The following GCSAML variants were observed in gnomAD, a reference collection of about 807,000 sequenced individuals.
GCSAML encodes germinal center associated signaling and motility like, also known as germinal center-associated signaling and motility-like protein.
In GCSAML, 9 loss-of-function variants were observed where a neutral mutation model predicts 13.0. That is an observed-to-expected ratio of 0.69 (90% CI 0.42 to 1.21). GCSAML has a LOEUF of 1.21. GCSAML is among the 50% of genes most tolerant of loss of function. The pLI is 0.00. For synonymous variants in GCSAML, 37 were observed against 52.9 expected, an observed-to-expected ratio of 0.70 and a Z score of 1.31; for missense variants, 143 against 153.4, an observed-to-expected ratio of 0.93 and a Z score of 0.36.
chr1:247,524,641 TTGAA>T (rs1249875786), intron 1 of GCSAML: 5 of 152,318 alleles, frequency 3.3e-5, no homozygotes, highest in African/African-American at 1.2e-4. Context: ...ATTCATTTCT[TTGAA>T]TGAAATAATG....
chr1:247,507,598 G>T (rs12143521), intron 1 of GCSAML, among the ~76,000 whole-genome samples: 2 of 151,988 alleles, frequency 1.3e-5, no homozygotes, highest in Admixed American at 6.6e-5. Flanking sequence ...ATGTATACAC[G>T]TGCCATGGTG....
At chr1:247,539,782 C>T (rs1418380588) in intron 2 of GCSAML, among the ~76,000 whole-genome samples, 2 of 152,106 alleles carry the variant, frequency 1.3e-5, no homozygotes, top group African/African-American at 2.4e-5. Context: ...AACGAATCAC[C>T]CTGTCTCAGC....
chr1:247,549,441 G>T (rs183441133), intron 1 of GCSAML, among the ~76,000 whole-genome samples: 202 of 152,184 alleles, frequency 1.3e-3, no homozygotes, highest in Non-Finnish European at 1.8e-3. Context: ...AAAAATACTG[G>T]ATGCTAAGTC....
chr1:247,532,218 A>G, intron 2 of GCSAML: 1 of 1,614,164 alleles, frequency 6.2e-7, no homozygotes, highest in Non-Finnish European at 8.5e-7. Context: ...ACTGGACCAC[A>G]CACCCTCCAT....
At chr1:247,534,271 T>TG (rs1667128669) in intron 2 of GCSAML, among the ~76,000 whole-genome samples, 1 of 152,224 alleles carries the variant, frequency 6.6e-6, no homozygotes, top group Admixed American at 6.5e-5. Context: ...GGGTCCCCAG[T>TG]GTCTAACCCA....
At chr1:247,514,836 C>A (rs1252741229) in intron 1 of GCSAML, among the ~76,000 whole-genome samples, 5 of 152,184 alleles carry the variant, frequency 3.3e-5, no homozygotes, top group African/African-American at 4.8e-5. Context: ...ATTTTTTATA[C>A]CAGTATCATG....
At chr1:247,534,229 T>C (rs1572324105) in intron 2 of GCSAML, among the ~76,000 whole-genome samples, 1 of 152,322 alleles carries the variant, frequency 6.6e-6, no homozygotes, top group East Asian at 1.9e-4. Context: ...ATAAATTCCA[T>C]GGAGCCATAG....
rs1295382571 is a variant in GCSAML, at chr1:247,563,991, G to A, written c.139+352G>A. Among the ~76,000 whole-genome samples the A allele has an allele frequency of 2.0e-5, 3 of 151,932 alleles. No homozygotes were observed. The East Asian group carries it at 5.8e-4, about 29-fold the overall frequency. On this transcript the variant is annotated intron_variant, in intron 3 of 4. Coordinates refer to ENST00000366488, the MANE Select transcript of GCSAML (RefSeq NM_145278.5). ...CCTATCGCCCAGGCTGGAGTGCAGT[G>A]TCACAATCTCGGCTCACTGTAACCC...
intron 2 of GCSAML, chr1:247,536,113 A>G (rs961681501): frequency 2.6e-5 from 4 of 152,122 alleles, no homozygotes; most frequent in African/African-American, 9.7e-5. Flanking sequence ...TTTATCTTAA[A>G]TACCATAAAC....
chr1:247,556,687 T>C (rs1667964445), intron 2 of GCSAML, among the ~76,000 whole-genome samples: 1 of 152,228 alleles, frequency 6.6e-6, no homozygotes, highest in African/African-American at 2.4e-5. Context: ...CTATTGATTA[T>C]ATAATGTGAG....
intron 1 of GCSAML, among the ~76,000 whole-genome samples, chr1:247,520,424 A>G (rs958852462): frequency 2.0e-5 from 3 of 152,174 alleles, no homozygotes; most frequent in Admixed American, 6.5e-5. Context: ...TACAGCTGTA[A>G]CATCAACTTT....
Position 247,527,210 on chromosome 1 carries a change from C to T in GCSAML, c.-148+156C>T, listed in dbSNP as rs1666716223. ...AGTGTGAGTTATGGTCATCATTCTC[C>T]TCTGTGCCAAACAGGGGCTGATGGA... On this transcript the variant is annotated intron_variant, in intron 2 of 5. Transcript: ENST00000366489. The surrounding 1 kb of genome is among the most constrained non-coding windows in gnomAD (Gnocchi z 4.6). The T allele has an allele frequency of 5.1e-6, 2 of 394,270 alleles. No homozygotes were observed. Among genetic ancestry groups the T allele is most frequent in the Non-Finnish European group, 1.0e-5 (2 of 197,908 alleles). The allele number at this position is 394,270 out of a possible 1,614,324, so 24.4% of individuals were successfully genotyped here.
At chr1:247,535,195 G>T (rs1011342582) in intron 2 of GCSAML, among the ~76,000 whole-genome samples, 9 of 152,092 alleles carry the variant, frequency 5.9e-5, no homozygotes, top group Non-Finnish European at 1.0e-4. Context: ...TGTGCCTGTA[G>T]TCTCAGCTAC....
At chr1:247,553,315 T>C (rs1178393313) in intron 1 of GCSAML, among the ~76,000 whole-genome samples, 2 of 152,150 alleles carry the variant, frequency 1.3e-5, no homozygotes, top group African/African-American at 4.8e-5. Context: ...TTTTTTTTCA[T>C]GGTTTTTTAA....
intron 2 of GCSAML, chr1:247,530,899 C>T (rs560752978): frequency 6.6e-6 from 1 of 151,952 alleles, no homozygotes; most frequent in Non-Finnish European, 1.5e-5. Context: ...CGCCGCCACC[C>T]GAAGGCGCTG....
chr1:247,565,610 A>G (rs1301810743), intron 3 of GCSAML: 1 of 251,612 alleles, frequency 4.0e-6, no homozygotes, highest in African/African-American at 2.2e-5. Flanking sequence ...ATCATATTGC[A>G]TTGACATAGC....
intron 2 of GCSAML, among the ~76,000 whole-genome samples, chr1:247,541,626 C>T (rs555304422): frequency 1.3e-5 from 2 of 152,096 alleles, no homozygotes; most frequent in African/African-American, 4.8e-5. Flanking sequence ...GCCTGAAACC[C>T]GGCTGCTTCT....
intron 3 of GCSAML, 27 bp from the exon 4 acceptor site, chr1:247,565,904 C>CTTTTTT: frequency 5.8e-6 from 8 of 1,368,544 alleles, no homozygotes; most frequent in Non-Finnish European, 2.9e-6. Context: ...TCCTTTCTTT[C>CTTTTTT]TTTTTTTTTT....
chr1:247,523,032 T>A (rs1228693088), intron 1 of GCSAML, among the ~76,000 whole-genome samples: 1 of 152,148 alleles, frequency 6.6e-6, no homozygotes, highest in Non-Finnish European at 1.5e-5. Context: ...AAAATATATA[T>A]GAAATCCTCT....
Sources: gnomAD v4.1 joint callset for allele counts (sites outside exome capture counted in the v4.1 genomes callset) on GRCh38, gnomAD v4.1.1 for gene constraint, Gnocchi (gnomAD v3.1) non-coding constraint, MANE v1.5 for transcripts, NCBI Gene and HGNC (gene_info 2026-07-23, HGNC 2026-07-21) for gene names.